The following PCMTD1 variants were observed in gnomAD, a reference collection of about 807,000 sequenced individuals.
PCMTD1 encodes the protein protein-L-isoaspartate (D-aspartate) O-methyltransferase domain containing 1.
In PCMTD1, 12 loss-of-function variants were observed where a neutral mutation model predicts 37.6. The observed-to-expected ratio is 0.32, with a 90% CI of 0.20 to 0.52. PCMTD1 has a LOEUF of 0.52. Among genes scored for constraint, PCMTD1 ranks in the 20% least tolerant of loss-of-function variants. The pLI, the probability that PCMTD1 is intolerant of heterozygous loss-of-function variation, is 0.97. For synonymous variants in PCMTD1, 117 were observed against 135.8 expected (o/e 0.86, Z 0.96); for missense variants, 235 against 421.3 (o/e 0.56, Z 3.87).
At chr8:51,842,294 CA>C (rs1166775932) in intron 3 of PCMTD1, among the ~76,000 whole-genome samples, 3 of 151,908 alleles carry the variant, frequency 2.0e-5, no homozygotes, top group African/African-American at 4.8e-5. Flanking sequence ...ATACTACTTT[CA>C]AAACACAGGA....
chr8:51,894,594 A>G (rs570244575), intron 1 of PCMTD1, among the ~76,000 whole-genome samples: 4 of 152,352 alleles, frequency 2.6e-5, no homozygotes, highest in Admixed American at 6.5e-5. Context: ...TGACTGACAT[A>G]AACACCCAAG....
At chr8:51,854,025 T>C (rs533519961) in intron 2 of PCMTD1, among the ~76,000 whole-genome samples, 9 of 152,264 alleles carry the variant, frequency 5.9e-5, no homozygotes, top group South Asian at 2.1e-4. Flanking sequence ...ATAGTAAGGA[T>C]TGGCTGTATT....
intron 2 of PCMTD1, among the ~76,000 whole-genome samples, chr8:51,846,421 T>C (rs2129281250): frequency 6.6e-6 from 1 of 152,316 alleles, no homozygotes; most frequent in Non-Finnish European, 1.5e-5. Flanking sequence ...AGAGATGTTA[T>C]TGGGCTGGCT....
chr8:51,823,199 C>T (rs1459040636), intron 5 of PCMTD1, among the ~76,000 whole-genome samples: 1 of 152,188 alleles, frequency 6.6e-6, no homozygotes, highest in Non-Finnish European at 1.5e-5. Flanking sequence ...CACAATGGCT[C>T]AAGCCTGTAA....
At chr8:51,887,172 G>A (rs570018350) in intron 1 of PCMTD1, among the ~76,000 whole-genome samples, 3 of 152,106 alleles carry the variant, frequency 2.0e-5, no homozygotes, top group Admixed American at 6.6e-5. Flanking sequence ...TAATTCATCT[G>A]CAACCTTAAT....
intron 1 of PCMTD1, among the ~76,000 whole-genome samples, chr8:51,878,620 G>A (rs569964066): frequency 1.5e-4 from 23 of 152,050 alleles, no homozygotes; most frequent in South Asian, 1.2e-3. Flanking sequence ...ATGGTGGCTC[G>A]TGACTATAGT....
intron 3 of PCMTD1, chr8:51,839,421 A>G (rs2038114342): frequency 1.0e-6 from 1 of 983,994 alleles, no homozygotes; most frequent in Non-Finnish European, 1.2e-6. Context: ...CTTGCCCAAA[A>G]TAACACCAGG....
At chr8:51,834,460 T>C (rs1351487654) in intron 3 of PCMTD1, among the ~76,000 whole-genome samples, 1 of 152,198 alleles carries the variant, frequency 6.6e-6, no homozygotes, top group Non-Finnish European at 1.5e-5. Context: ...TTCTTAAATT[T>C]TGATAAAACT....
chr8:51,843,040 T>C (rs2038169964), intron 3 of PCMTD1, among the ~76,000 whole-genome samples: 2 of 152,300 alleles, frequency 1.3e-5, no homozygotes, highest in South Asian at 4.1e-4. Context: ...ATAGCAAGTT[T>C]GTAAAATATT....
intron 4 of PCMTD1, among the ~76,000 whole-genome samples, chr8:51,832,770 T>C (rs780739139): frequency 2.0e-5 from 3 of 152,166 alleles, no homozygotes; most frequent in Admixed American, 6.5e-5. Context: ...AATGAGTCTA[T>C]TCGGTACTAA....
chr8:51,853,275 G>A (rs1469898769), intron 2 of PCMTD1, among the ~76,000 whole-genome samples: 6 of 152,156 alleles, frequency 3.9e-5, no homozygotes, highest in Non-Finnish European at 5.9e-5. Flanking sequence ...GGTTCCAGAC[G>A]AGACCAAGAA....
Position 51,872,627 on chromosome 8 carries a change from G to C in PCMTD1, c.-95-11381C>G, listed in dbSNP as rs941843102. Among the ~76,000 whole-genome samples the C allele has an allele frequency of 3.3e-5, 5 of 151,962 alleles. 1 individual carries two copies. Among genetic ancestry groups the C allele is most frequent in the African/African-American group, 9.7e-5 (4 of 41,364 alleles). On this transcript the variant is annotated intron_variant, in intron 1 of 5. Transcript: ENST00000522514. The stretch of plus-strand genomic sequence containing the variant: ...CAACACACATTTTCAGCTCCTCCTG[G>C]GTCAGGATTTCATAGTGGGGCTTAT...
chr8:51,866,413 C>T (rs1486686643), intron 1 of PCMTD1, among the ~76,000 whole-genome samples: 3 of 151,876 alleles, frequency 2.0e-5, no homozygotes, highest in Non-Finnish European at 4.4e-5. Context: ...CAGCATGGTA[C>T]TGACATAAAA....
Position 51,831,577 on chromosome 8 carries a change from G to A in PCMTD1, c.583-10C>T. The A allele has an allele frequency of 1.9e-6, 3 of 1,592,640 alleles. No individual in the cohort carries two copies. Among genetic ancestry groups the A allele is most frequent in the South Asian group, 1.2e-5 (1 of 86,700 alleles). The stretch of plus-strand genomic sequence containing the variant: ...GCATAATCTGTGTTAACTATTTAGA[G>A]AAAAAAAAGAAAGAAAGTGAACAAC... On this transcript the variant is annotated splice_polypyrimidine_tract_variant and intron_variant, in intron 4 of 5. Coordinates refer to ENST00000522514, the MANE Select transcript of PCMTD1 (RefSeq NM_052937.4).
intron 1 of PCMTD1, among the ~76,000 whole-genome samples, chr8:51,865,480 C>G (rs1019389380): frequency 1.3e-5 from 2 of 151,990 alleles, no homozygotes; most frequent in African/African-American, 4.8e-5. Context: ...CACTCACCAC[C>G]AAGTGAGACT....
chr8:51,824,797 C>T (rs2037899096), intron 5 of PCMTD1, among the ~76,000 whole-genome samples: 2 of 152,122 alleles, frequency 1.3e-5, no homozygotes, highest in African/African-American at 4.8e-5. Context: ...TCAAACTATA[C>T]CACAAGACTA....
chr8:51,883,798 T>C (rs765024358), intron 1 of PCMTD1, among the ~76,000 whole-genome samples: 41 of 152,332 alleles, frequency 2.7e-4, no homozygotes, highest in East Asian at 1.9e-4. Context: ...TCAGTCGTAT[T>C]ATGTTGTTGA....
intron 3 of PCMTD1, among the ~76,000 whole-genome samples, chr8:51,840,838 A>G (rs964210570): frequency 1.3e-5 from 2 of 152,280 alleles, no homozygotes; most frequent in African/African-American, 4.8e-5. Context: ...CCTGACCCCA[A>G]TAAAAATTCA....
At chr8:51,856,088 T>C (rs1430587052) in intron 2 of PCMTD1, among the ~76,000 whole-genome samples, 3 of 152,132 alleles carry the variant, frequency 2.0e-5, no homozygotes, top group Non-Finnish European at 4.4e-5. Flanking sequence ...TAAGAGGCAC[T>C]TAAAAGAGCA....
Sources: gnomAD v4.1 joint callset for allele counts (sites outside exome capture counted in the v4.1 genomes callset) on GRCh38, gnomAD v4.1.1 for gene constraint, MANE v1.5 for transcripts, NCBI Gene and HGNC (gene_info 2026-07-23, HGNC 2026-07-21) for gene names.